Variants in INPP4B observed in about 807,000 individuals in gnomAD.
INPP4B encodes inositol polyphosphate 4-phosphatase type II.
In INPP4B, 55 loss-of-function variants were observed where a neutral mutation model predicts 122.5. The observed-to-expected ratio is 0.45, with a 90% CI of 0.36 to 0.56. The LOEUF (loss-of-function observed/expected upper bound fraction) is 0.56. Among genes scored for constraint, INPP4B ranks in the 20% least tolerant of loss-of-function variants. The probability of loss-of-function intolerance (pLI) is 0.00; values close to 1 mark genes in which losing one functional copy is unlikely to be tolerated. For missense variants in INPP4B, 1,000 were observed against 1,097.7 expected, an observed-to-expected ratio of 0.91 and a Z score of 1.26; for synonymous variants, 403 against 388.7, an observed-to-expected ratio of 1.04 and a Z score of -0.43.
intron 2 of INPP4B, among the ~76,000 whole-genome samples, chr4:142,575,505 G>A (rs1733650784): frequency 6.6e-6 from 1 of 151,968 alleles, no homozygotes; most frequent in South Asian, 2.1e-4. Flanking sequence ...GCTATATCAT[G>A]AATGTAAAAG....
At chr4:142,463,354 G>C (rs561405119) in intron 2 of INPP4B, among the ~76,000 whole-genome samples, 1 of 152,134 alleles carries the variant, frequency 6.6e-6, no homozygotes, top group African/African-American at 2.4e-5. Flanking sequence ...TAGAACTCTA[G>C]AAACCAAAGC....
intron 3 of INPP4B, among the ~76,000 whole-genome samples, chr4:142,457,037 A>G (rs1476714656): frequency 6.6e-6 from 1 of 152,072 alleles, no homozygotes; most frequent in Non-Finnish European, 1.5e-5. Context: ...CAAAGGCAAT[A>G]CAATGGATAG....
At chr4:142,314,853 G>GGA in intron 7 of INPP4B, 91 bp from the exon 8 acceptor site, 1 of 1,006,284 alleles carries the variant, frequency 9.9e-7, no homozygotes, top group Non-Finnish European at 1.5e-6. Context: ...CCTTCATCTC[G>GGA]CGTCAATTCA....
At chr4:142,814,753 T>C (rs1236839193) in intron 1 of INPP4B, among the ~76,000 whole-genome samples, 1 of 152,126 alleles carries the variant, frequency 6.6e-6, no homozygotes. Flanking sequence ...TCCATAGTGA[T>C]ATAAATAAAT....
chr4:142,572,277 T>C (rs1278582415), intron 2 of INPP4B, among the ~76,000 whole-genome samples: 4 of 152,122 alleles, frequency 2.6e-5, no homozygotes, highest in African/African-American at 9.7e-5. Context: ...TGCTGAGCAT[T>C]GGCACATTTG....
chr4:142,710,483 G>A (rs540268145), intron 2 of INPP4B, among the ~76,000 whole-genome samples: 8 of 152,016 alleles, frequency 5.3e-5, no homozygotes, highest in African/African-American at 1.9e-4. Context: ...ACCCTAGAGT[G>A]GGTTATAAAA....
At chr4:142,324,738 C>T (rs1437261924) in intron 7 of INPP4B, among the ~76,000 whole-genome samples, 1 of 152,146 alleles carries the variant, frequency 6.6e-6, no homozygotes, top group Non-Finnish European at 1.5e-5. Flanking sequence ...GTTTCTCTCT[C>T]TAGTTTCCCA....
intron 2 of INPP4B, among the ~76,000 whole-genome samples, chr4:142,697,094 T>C (rs1366007534): frequency 6.6e-6 from 1 of 152,196 alleles, no homozygotes; most frequent in African/African-American, 2.4e-5. Flanking sequence ...ATTATATACA[T>C]GTGATGTTGA....
At chr4:142,435,814 G>A (rs1379391871) in intron 3 of INPP4B, among the ~76,000 whole-genome samples, 1 of 152,100 alleles carries the variant, frequency 6.6e-6, no homozygotes, top group Non-Finnish European at 1.5e-5. Context: ...ATGCCACTGG[G>A]GCCTAGGGTC....
At chr4:142,777,557 G>A (rs150415267) in intron 1 of INPP4B, among the ~76,000 whole-genome samples, 162 of 152,276 alleles carry the variant, frequency 1.1e-3, no homozygotes, top group Non-Finnish European at 1.2e-3. Context: ...CTCTGATCCA[G>A]GTAGGCCACG....
chr4:142,474,165 T>A (rs1230216275), intron 2 of INPP4B: 4 of 151,686 alleles, frequency 2.6e-5, no homozygotes, highest in Non-Finnish European at 5.9e-5. Context: ...CTGGGAAACA[T>A]CTGTGTAGCT....
At chr4:142,644,311 G>C (rs559903827) in intron 2 of INPP4B, among the ~76,000 whole-genome samples, 17 of 151,524 alleles carry the variant, frequency 1.1e-4, no homozygotes, top group Non-Finnish European at 2.4e-4. Context: ...AGGAGAAGGA[G>C]GAGGAGGAGG....
rs1020122257 is a variant in INPP4B at position 142,180,963 on chromosome 4, C to G, written c.1182-7154G>C. ...TTCAACAAATATTTAATAACTACTA[C>G]TCAGTCAATGAATTAAGGAAAGCAA... On this transcript the variant is annotated intron_variant, in intron 15 of 25. Transcript: ENST00000262992. Among the ~76,000 whole-genome samples the G allele has an allele frequency of 2.6e-5, 4 of 152,096 alleles. 1 individual carries two copies. Among genetic ancestry groups the G allele is most frequent in the Non-Finnish European group, 5.9e-5 (4 of 68,036 alleles).
chr4:142,809,150 A>G (rs887006787), intron 1 of INPP4B, among the ~76,000 whole-genome samples: 3 of 152,234 alleles, frequency 2.0e-5, no homozygotes, highest in Non-Finnish European at 4.4e-5. Context: ...TTAAAAAAGC[A>G]TGAGGGAAAA....
At chr4:142,834,886 A>G (rs1782598059) in intron 1 of INPP4B, among the ~76,000 whole-genome samples, 1 of 152,186 alleles carries the variant, frequency 6.6e-6, no homozygotes, top group South Asian at 2.1e-4. Flanking sequence ...TGCTTCAAAC[A>G]CTCAACCCAA....
At chr4:142,260,408 G>T in intron 11 of INPP4B, 84 bp downstream of exon 11, 1 of 845,396 alleles carries the variant, frequency 1.2e-6, no homozygotes. Context: ...AAACAACTGT[G>T]AGAATGCTGG....
intron 13 of INPP4B, 91 bp from the exon 14 acceptor site, chr4:142,208,620 TAAC>T: frequency 1.5e-6 from 1 of 679,226 alleles, no homozygotes; most frequent in South Asian, 2.8e-5. Flanking sequence ...AATGTTAAAA[TAAC>T]TTCAGAAAGA....
At chr4:142,071,246 T>C (rs2152484989) in intron 25 of INPP4B, among the ~76,000 whole-genome samples, 1 of 152,336 alleles carries the variant, frequency 6.6e-6, no homozygotes, top group Admixed American at 6.5e-5. Flanking sequence ...AAGGATTCCC[T>C]ATTTAATAAA....
chr4:142,536,215 C>T (rs1828177535), intron 2 of INPP4B, among the ~76,000 whole-genome samples: 1 of 145,598 alleles, frequency 6.9e-6, no homozygotes, highest in Non-Finnish European at 1.5e-5. Flanking sequence ...AATTAACATT[C>T]AATACTTGGT....
Sources: gnomAD v4.1 joint callset for allele counts (sites outside exome capture counted in the v4.1 genomes callset) on GRCh38, gnomAD v4.1.1 for gene constraint, MANE v1.5 for transcripts, NCBI Gene and HGNC (gene_info 2026-07-23, HGNC 2026-07-21) for gene names.